The following MYO5B variants were observed in gnomAD, a reference collection of about 807,000 sequenced individuals.
MYO5B encodes unconventional myosin-Vb.
In MYO5B, 143 loss-of-function variants were observed where a neutral mutation model predicts 229.3. That is an observed-to-expected ratio of 0.62 (90% CI 0.54 to 0.72). The LOEUF (loss-of-function observed/expected upper bound fraction) is 0.72, where lower values mean the gene tolerates loss of function less well. MYO5B is among the 30% of genes least tolerant of loss of function. The pLI, the probability that MYO5B is intolerant of heterozygous loss-of-function variation, is 0.00. For synonymous variants in MYO5B, 918 were observed against 885.2 expected (o/e 1.04, Z -0.66); for missense variants, 2,321 against 2,331.0 (o/e 1.00, Z 0.09).
chr18:49,884,375 A>G (rs2024620946), intron 22 of MYO5B, among the ~76,000 whole-genome samples: 1 of 152,078 alleles, frequency 6.6e-6, no homozygotes, highest in Non-Finnish European at 1.5e-5. Context: ...TATTATTATT[A>G]CATTGTAATA....
chr18:49,840,447 T>C (rs2024042574), intron 35 of MYO5B: 1 of 152,262 alleles, frequency 6.6e-6, no homozygotes, highest in African/African-American at 2.4e-5. Flanking sequence ...AGGAAGGGCA[T>C]ATCCTTTTAC....
At chr18:49,942,377 C>T (rs1419036756) in intron 14 of MYO5B, among the ~76,000 whole-genome samples, 5 of 62,918 alleles carry the variant, frequency 7.9e-5, no homozygotes, top group African/African-American at 2.9e-4. Context: ...AGCTTCTGCA[C>T]AGCAAAAAAA....
chr18:50,087,342 C>A (rs983599423), intron 1 of MYO5B, among the ~76,000 whole-genome samples: 3 of 152,066 alleles, frequency 2.0e-5, no homozygotes, highest in African/African-American at 7.2e-5. Flanking sequence ...GAGGCCGAGG[C>A]GGGTAGATCA....
At position 50,165,786 on chromosome 18, in the gene MYO5B, A is replaced by AAAGGAAGG. The variant is rs58511275; in HGVS notation, c.27+28973_27+28980dup. Among the ~76,000 whole-genome samples, 716 of 150,192 alleles carry AAAGGAAGG rather than the reference A, an allele frequency of 4.8e-3. 3 individuals are homozygous for AAAGGAAGG. Among genetic ancestry groups the AAAGGAAGG allele is most frequent in the South Asian group, 0.015 (72 of 4,720 alleles). ...GAGCCAGACTCCGTCTGAAAGAAAA[A>AAAGGAAGG]AAGGAAGGAAGGAAGGAAGGAAGGA... On this transcript the variant is annotated intron_variant, in intron 1 of 39. Transcript: ENST00000285039.
chr18:50,177,977 T>C (rs913002151), intron 1 of MYO5B, among the ~76,000 whole-genome samples: 1 of 152,232 alleles, frequency 6.6e-6, no homozygotes, highest in Non-Finnish European at 1.5e-5. Flanking sequence ...ACCTCCTTGA[T>C]ACACTACTCC....
intron 17 of MYO5B, among the ~76,000 whole-genome samples, chr18:49,923,459 C>T (rs1296454068): frequency 6.6e-6 from 1 of 152,174 alleles, no homozygotes; most frequent in East Asian, 1.9e-4. Flanking sequence ...ATGTGAGCCC[C>T]TAGAAGCAAA....
chr18:49,911,131 C>T (rs547962381), intron 18 of MYO5B, among the ~76,000 whole-genome samples: 4 of 152,366 alleles, frequency 2.6e-5, no homozygotes, highest in Admixed American at 6.5e-5. Context: ...CAGCTACCTT[C>T]CCCTCTGCTG....
intron 1 of MYO5B, among the ~76,000 whole-genome samples, chr18:50,085,075 A>C (rs187665584): frequency 6.3e-4 from 96 of 152,368 alleles, no homozygotes; most frequent in African/African-American, 2.0e-3. Flanking sequence ...GGATCTAATT[A>C]AACTAAAGAG....
intron 5 of MYO5B, 108 bp downstream of exon 5, chr18:50,001,147 C>A: frequency 7.2e-7 from 1 of 1,381,890 alleles, no homozygotes; most frequent in Non-Finnish European, 1.0e-6. Context: ...GGACAGAGGG[C>A]TCTCAGGGAG....
chr18:50,156,942 C>A (rs1383890193), intron 1 of MYO5B, among the ~76,000 whole-genome samples: 1 of 152,184 alleles, frequency 6.6e-6, no homozygotes, highest in Non-Finnish European at 1.5e-5. Context: ...TCATCTCTTA[C>A]CTGAGCCACA....
intron 12 of MYO5B, among the ~76,000 whole-genome samples, chr18:49,955,447 C>T (rs887378618): frequency 3.9e-5 from 6 of 152,172 alleles, no homozygotes; most frequent in Non-Finnish European, 8.8e-5. Context: ...TGACGGGTCA[C>T]TAACTGACCT....
intron 26 of MYO5B, among the ~76,000 whole-genome samples, chr18:49,873,003 G>T (rs141309609): frequency 1.1e-3 from 166 of 152,298 alleles, no homozygotes; most frequent in Middle Eastern, 3.4e-3. Flanking sequence ...CCAGTGTGTT[G>T]TTTCCCAACT....
chr18:49,860,468 A>G (rs2024316119), intron 29 of MYO5B, among the ~76,000 whole-genome samples: 1 of 152,194 alleles, frequency 6.6e-6, no homozygotes, highest in Non-Finnish European at 1.5e-5. Flanking sequence ...GTAAAAAAGG[A>G]GAAAGCTTTG....
chr18:50,103,998 T>C (rs992798853), intron 1 of MYO5B, among the ~76,000 whole-genome samples: 36 of 119,354 alleles, frequency 3.0e-4, no homozygotes, highest in African/African-American at 1.4e-3. Flanking sequence ...CCCATCTCCA[T>C]TAAAAAAAAA....
In MYO5B at chr18:49,965,897, G is replaced by A. The variant is rs188896211; in HGVS notation, c.1323-2867C>T. Among the ~76,000 whole-genome samples, 211 of 152,282 alleles carry A rather than the reference G, an allele frequency of 1.4e-3. 1 individual carries two copies. The highest frequency in any genetic ancestry group is 2.3e-3 in the Non-Finnish European group (159 of 68,028). On this transcript the variant is annotated intron_variant, in intron 10 of 39. Transcript: ENST00000285039. ...CCAGTAATACCAACGAGGTAATAGCGATGGACACAGGCTCCATTCAGCCCA... is the reference window on the plus strand; with the variant it reads ...CCAGTAATACCAACGAGGTAATAGCAATGGACACAGGCTCCATTCAGCCCA...
chr18:49,950,585 T>C (rs941457435), intron 14 of MYO5B, among the ~76,000 whole-genome samples: 1 of 152,098 alleles, frequency 6.6e-6, no homozygotes, highest in African/African-American at 2.4e-5. Flanking sequence ...CAAGATACAA[T>C]GGTAACTGAA....
chr18:50,076,825 G>C (rs570041818), intron 1 of MYO5B, among the ~76,000 whole-genome samples: 328 of 151,918 alleles, frequency 2.2e-3, no homozygotes, highest in African/African-American at 7.7e-3. Context: ...AATGTCCAGC[G>C]AGTGGCTTGA....
intron 1 of MYO5B, among the ~76,000 whole-genome samples, chr18:50,127,427 C>T (rs2032182625): frequency 6.6e-6 from 1 of 152,172 alleles, no homozygotes; most frequent in Admixed American, 6.5e-5. Context: ...ACAACAGATG[C>T]AGTGCTCTAC....
At chr18:49,898,325 G>A (rs1383660307) in intron 21 of MYO5B, among the ~76,000 whole-genome samples, 3 of 152,138 alleles carry the variant, frequency 2.0e-5, no homozygotes, top group East Asian at 1.9e-4. Flanking sequence ...AAAGGCTACT[G>A]ACTCCATATA....
Sources: gnomAD v4.1 joint callset for allele counts (sites outside exome capture counted in the v4.1 genomes callset) on GRCh38, gnomAD v4.1.1 for gene constraint, MANE v1.5 for transcripts, NCBI Gene and HGNC (gene_info 2026-07-23, HGNC 2026-07-21) for gene names.